The following HTR4 variants were observed in gnomAD, a reference collection of about 807,000 sequenced individuals.
The protein encoded by HTR4 is 5-hydroxytryptamine receptor 4.
HTR4 carries 16 observed loss-of-function variants against 36.8 expected under a neutral mutation model. That is an observed-to-expected ratio of 0.43 (90% confidence interval 0.29 to 0.66). The LOEUF (loss-of-function observed/expected upper bound fraction) is 0.66. Ranked by LOEUF, HTR4 falls within the 30% of genes least tolerant of loss-of-function variation. HTR4 has a pLI of 0.13. For synonymous variants in HTR4, 189 were observed against 185.1 expected, an observed-to-expected ratio of 1.02 and a Z score of -0.17; for missense variants, 438 against 490.9, an observed-to-expected ratio of 0.89 and a Z score of 1.02.
At chr5:148,642,004 G>A (rs1027066696) in intron 1 of HTR4, among the ~76,000 whole-genome samples, 3 of 152,102 alleles carry the variant, frequency 2.0e-5, no homozygotes, top group Non-Finnish European at 2.9e-5. Context: ...TCATAACCTC[G>A]GCTTGCTTTG....
intron 5 of HTR4, among the ~76,000 whole-genome samples, chr5:148,460,524 A>C (rs1223116482): frequency 6.6e-6 from 1 of 152,150 alleles, no homozygotes; most frequent in African/African-American, 2.4e-5. Context: ...GGCAACCTGG[A>C]ATTCCAACCC....
At chr5:148,500,776 C>G (rs981185006) in intron 6 of HTR4, among the ~76,000 whole-genome samples, 2 of 151,746 alleles carry the variant, frequency 1.3e-5, no homozygotes, top group Non-Finnish European at 2.9e-5. Flanking sequence ...TCTGACAAAC[C>G]GCTAAGTAAT....
At chr5:148,543,802 C>T (rs1235757460) in intron 4 of HTR4, among the ~76,000 whole-genome samples, 1 of 151,982 alleles carries the variant, frequency 6.6e-6, no homozygotes, top group Admixed American at 6.6e-5. Context: ...GGAGGTTAAC[C>T]AAGACCAATG....
At chr5:148,460,114 A>C (rs957150162) in intron 5 of HTR4, among the ~76,000 whole-genome samples, 3 of 152,024 alleles carry the variant, frequency 2.0e-5, no homozygotes, top group Admixed American at 6.5e-5. Context: ...AAAAAAAGAC[A>C]GAAAAAAAAT....
intron 2 of HTR4, among the ~76,000 whole-genome samples, chr5:148,553,738 G>A (rs960072754): frequency 3.9e-5 from 6 of 152,250 alleles, no homozygotes; most frequent in Non-Finnish European, 7.3e-5. Context: ...AAGTGTTGGT[G>A]TGAATGTGGG....
intron 2 of HTR4, among the ~76,000 whole-genome samples, chr5:148,573,261 G>C (rs765212066): frequency 6.6e-5 from 10 of 152,022 alleles, no homozygotes; most frequent in African/African-American, 9.7e-5. Flanking sequence ...TCTGAGAATG[G>C]GTTCTCAGTC....
intron 5 of HTR4, among the ~76,000 whole-genome samples, chr5:148,468,119 T>A (rs1313231929): frequency 4.6e-5 from 7 of 152,218 alleles, no homozygotes; most frequent in Admixed American, 4.6e-4. Context: ...CGCAGGTGGC[T>A]GTTGTGTTAG....
chr5:148,497,766 A>T (rs1181576092), intron 6 of HTR4, among the ~76,000 whole-genome samples: 2 of 152,238 alleles, frequency 1.3e-5, no homozygotes, highest in Admixed American at 1.3e-4. Context: ...GAGTTTGCAC[A>T]TTTGATGAAC....
At chr5:148,505,628 C>T (rs962796480) in intron 6 of HTR4, among the ~76,000 whole-genome samples, 1,706 of 152,228 alleles carry the variant, frequency 0.011, 33 homozygotes, top group African/African-American at 0.039. Flanking sequence ...AAAACCCCAT[C>T]GTCTCAGCCC....
chr5:148,598,473 A>C (rs1339528637), intron 2 of HTR4, among the ~76,000 whole-genome samples: 1 of 151,958 alleles, frequency 6.6e-6, no homozygotes, highest in African/African-American at 2.4e-5. Flanking sequence ...AAACACTTGA[A>C]CCCGGGAGAT....
Position 148,490,221 on chromosome 5 carries a change from A to T in HTR4, c.1077-6928T>A, listed in dbSNP as rs565269754. Among the ~76,000 whole-genome samples the T allele has an allele frequency of 6.0e-5, 9 of 149,480 alleles. No individual in the cohort carries two copies. In the South Asian group the frequency reaches 1.9e-3, roughly 31 times the overall value. ...TATATATACATATATATATGTATATATATCCTGATCAGTAAATATATCCAA... is the reference window on the plus strand; with the variant it reads ...TATATATACATATATATATGTATATTTATCCTGATCAGTAAATATATCCAA... On this transcript the variant is annotated intron_variant, in intron 6 of 6. Transcript: ENST00000377888.
At chr5:148,516,870 C>T (rs1438145656) in intron 5 of HTR4, among the ~76,000 whole-genome samples, 6 of 152,094 alleles carry the variant, frequency 3.9e-5, no homozygotes, top group East Asian at 1.9e-4. Context: ...ATGAAAAGAA[C>T]ACCTCAATCA....
At chr5:148,461,028 A>G (rs1453013249) in intron 5 of HTR4, among the ~76,000 whole-genome samples, 2 of 152,030 alleles carry the variant, frequency 1.3e-5, no homozygotes, top group Non-Finnish European at 2.9e-5. Flanking sequence ...ACTACCAAAA[A>G]GTTGTATAGT....
At chr5:148,540,821 G>T (rs1384842509) in intron 4 of HTR4, among the ~76,000 whole-genome samples, 3 of 152,014 alleles carry the variant, frequency 2.0e-5, no homozygotes, top group Non-Finnish European at 4.4e-5. Flanking sequence ...GGAAAGAGGG[G>T]ACATACTCAG....
intron 2 of HTR4, among the ~76,000 whole-genome samples, chr5:148,561,417 T>C (rs1032812090): frequency 1.1e-4 from 17 of 152,214 alleles, no homozygotes; most frequent in Non-Finnish European, 2.4e-4. Context: ...CACAGCATGT[T>C]AATCATTAAG....
intron 2 of HTR4, among the ~76,000 whole-genome samples, chr5:148,623,888 CAA>C (rs1438386216): frequency 6.6e-6 from 1 of 152,178 alleles, no homozygotes; most frequent in Non-Finnish European, 1.5e-5. Context: ...ATGAGTCAGT[CAA>C]AGAGAAACAG....
chr5:148,479,885 A>G (rs545020859), downstream of HTR4, among the ~76,000 whole-genome samples: 17 of 152,228 alleles, frequency 1.1e-4, no homozygotes, highest in Non-Finnish European at 2.2e-4. Flanking sequence ...TTTATTAAAA[A>G]TGTAAATAAA....
At chr5:148,578,261 A>T (rs187694805) in intron 2 of HTR4, among the ~76,000 whole-genome samples, 37 of 152,104 alleles carry the variant, frequency 2.4e-4, no homozygotes, top group Non-Finnish European at 4.6e-4. Context: ...TCTGTTGTGC[A>T]GTGTTATTTT....
intron 2 of HTR4, among the ~76,000 whole-genome samples, chr5:148,622,402 C>CAA (rs1752948584): frequency 6.6e-6 from 1 of 152,184 alleles, no homozygotes; most frequent in African/African-American, 2.4e-5. Flanking sequence ...CACATCTCAC[C>CAA]AAACTTTACT....
Sources: gnomAD v4.1 joint callset for allele counts (sites outside exome capture counted in the v4.1 genomes callset) on GRCh38, gnomAD v4.1.1 for gene constraint, MANE v1.5 for transcripts, NCBI Gene and HGNC (gene_info 2026-07-23, HGNC 2026-07-21) for gene names.